NSRP1: variants seen among roughly 807,000 people sequenced by gnomAD.
The protein encoded by NSRP1 is coiled-coil domain containing 55.
A neutral mutation model predicts 54.7 loss-of-function variants in NSRP1; 24 were observed. The ratio of observed to expected loss-of-function variants is 0.44; its 90% CI spans 0.32 to 0.62. The LOEUF (loss-of-function observed/expected upper bound fraction) is 0.62, where lower values mean the gene tolerates loss of function less well. Among genes scored for constraint, NSRP1 ranks in the 20% least tolerant of loss-of-function variants. The pLI, the probability that NSRP1 is intolerant of heterozygous loss-of-function variation, is 0.06. For missense variants in NSRP1, 596 were observed against 651.2 expected (o/e 0.92, Z 0.92); for synonymous variants, 210 against 213.8 (o/e 0.98, Z 0.15).
intron 2 of NSRP1, among the ~76,000 whole-genome samples, chr17:30,157,029 T>TA (rs1904335470): frequency 2.0e-5 from 3 of 152,356 alleles, no homozygotes; most frequent in East Asian, 1.9e-4. Context: ...TGCTGGATCT[T>TA]ACGGTAGTTC....
At chr17:30,120,600 CAT>C (rs755178000) in intron 2 of NSRP1, among the ~76,000 whole-genome samples, 8 of 152,204 alleles carry the variant, frequency 5.3e-5, no homozygotes, top group South Asian at 2.1e-4. Flanking sequence ...GGAAGACAGA[CAT>C]GTGAACATGA....
chr17:30,118,805 A>G (rs368429471), intron 2 of NSRP1, among the ~76,000 whole-genome samples: 3 of 150,780 alleles, frequency 2.0e-5, no homozygotes, highest in East Asian at 1.9e-4. Context: ...CTGGAGTGCA[A>G]TGCCGCGATC....
intron 2 of NSRP1, among the ~76,000 whole-genome samples, chr17:30,118,677 C>T (rs2071566983): frequency 6.6e-6 from 1 of 151,728 alleles, no homozygotes; most frequent in African/African-American, 2.4e-5. Flanking sequence ...TCTATTTTAG[C>T]AGCCAAAACT....
intron 2 of NSRP1, among the ~76,000 whole-genome samples, chr17:30,120,780 GATAA>G (rs541168561): frequency 7.2e-4 from 109 of 152,308 alleles, no homozygotes; most frequent in Middle Eastern, 3.4e-3. Context: ...CCATGTGGCT[GATAA>G]ATAAGTGTCA....
intron 3 of NSRP1, among the ~76,000 whole-genome samples, chr17:30,173,864 C>T (rs1054311670): frequency 2.0e-5 from 3 of 152,122 alleles, no homozygotes; most frequent in Non-Finnish European, 2.9e-5. Flanking sequence ...CCCTCCCGGA[C>T]GAATTGGCAC....
intron 2 of NSRP1, among the ~76,000 whole-genome samples, chr17:30,162,309 C>T (rs1320507666): frequency 6.6e-6 from 1 of 152,174 alleles, no homozygotes; most frequent in Non-Finnish European, 1.5e-5. Context: ...GGATTACAGG[C>T]GTGAGCCACT....
chr17:30,139,784 G>A (rs2071786066), intron 2 of NSRP1, among the ~76,000 whole-genome samples: 1 of 152,190 alleles, frequency 6.6e-6, no homozygotes, highest in African/African-American at 2.4e-5. Context: ...CAGCACTTTG[G>A]GAGGCTGAGG....
At chr17:30,172,014 T>TCTCTCTCTCACA (rs144705088) in intron 2 of NSRP1, among the ~76,000 whole-genome samples, 12,710 of 130,710 alleles carry the variant, frequency 0.097, 1,180 homozygotes, top group East Asian at 0.3. Context: ...TCTCTCTCTC[T>TCTCTCTCTCACA]CACATGTTCA....
chr17:30,159,104 C>G (rs977269431), intron 2 of NSRP1, among the ~76,000 whole-genome samples: 2 of 152,108 alleles, frequency 1.3e-5, no homozygotes, highest in African/African-American at 4.8e-5. Flanking sequence ...CATGGGATGT[C>G]TTTCCATTTT....
At chr17:30,136,758 C>T (rs2151884537) in intron 2 of NSRP1, among the ~76,000 whole-genome samples, 1 of 152,256 alleles carries the variant, frequency 6.6e-6, no homozygotes, top group African/African-American at 2.4e-5. Context: ...TGAGATTACA[C>T]AGCTAATTGA....
At chr17:30,139,805 A>G (rs2071786503) in intron 2 of NSRP1, among the ~76,000 whole-genome samples, 1 of 152,168 alleles carries the variant, frequency 6.6e-6, no homozygotes, top group Non-Finnish European at 1.5e-5. Flanking sequence ...CGGGCGGATC[A>G]TGAGGTCAGG....
chr17:30,162,081 G>A (rs1038166007), intron 2 of NSRP1, among the ~76,000 whole-genome samples: 1 of 150,476 alleles, frequency 6.6e-6, no homozygotes, highest in Non-Finnish European at 1.5e-5. Flanking sequence ...GAGTGCAGTG[G>A]CGCAGTCTCA....
chr17:30,136,840 C>CA (rs2071754887), intron 2 of NSRP1, among the ~76,000 whole-genome samples: 1 of 152,146 alleles, frequency 6.6e-6, no homozygotes, highest in Non-Finnish European at 1.5e-5. Context: ...TGCTGATACA[C>CA]AGCAGTAGTA....
chr17:30,134,996 G>A (rs996788578), intron 2 of NSRP1, among the ~76,000 whole-genome samples: 22 of 151,228 alleles, frequency 1.5e-4, no homozygotes, highest in Non-Finnish European at 2.5e-4. Context: ...CCCATTGTCC[G>A]GATATATATA....
At chr17:30,173,204 T>C (rs1485912980) in intron 3 of NSRP1, among the ~76,000 whole-genome samples, 8 of 152,200 alleles carry the variant, frequency 5.3e-5, no homozygotes, top group Non-Finnish European at 1.2e-4. Context: ...CCTCAGGTGA[T>C]CCGCCAACCT....
intron 3 of NSRP1, among the ~76,000 whole-genome samples, chr17:30,174,673 T>C (rs1905067606): frequency 6.6e-6 from 1 of 152,150 alleles, no homozygotes; most frequent in South Asian, 2.1e-4. Flanking sequence ...GTTGGAGGGT[T>C]TTGTTGTTTG....
intron 2 of NSRP1, among the ~76,000 whole-genome samples, chr17:30,149,081 T>C (rs1435962874): frequency 6.6e-6 from 1 of 152,240 alleles, no homozygotes; most frequent in East Asian, 1.9e-4. Flanking sequence ...TTCAGTGTTA[T>C]ACATTTATAA....
intron 2 of NSRP1, among the ~76,000 whole-genome samples, chr17:30,129,006 C>CT (rs1185887424): frequency 6.6e-6 from 1 of 151,100 alleles, no homozygotes; most frequent in East Asian, 1.9e-4. Flanking sequence ...GATCCTCCTG[C>CT]TTTGGTGTCC....
intron 2 of NSRP1, chr17:30,168,738 A>C (rs1291215695): frequency 6.6e-6 from 1 of 151,644 alleles, no homozygotes; most frequent in Non-Finnish European, 1.5e-5. Context: ...ATATATTTTT[A>C]TATAGGGTTA....
Sources: gnomAD v4.1 joint callset for allele counts (sites outside exome capture counted in the v4.1 genomes callset) on GRCh38, gnomAD v4.1.1 for gene constraint, MANE v1.5 for transcripts, NCBI Gene and HGNC (gene_info 2026-07-23, HGNC 2026-07-21) for gene names.